The following NOS1 variants were observed in gnomAD, a reference collection of about 807,000 sequenced individuals.
NOS1 encodes NOS type I.
In NOS1, 51 loss-of-function variants were observed where a neutral mutation model predicts 164.5. That is an observed-to-expected ratio of 0.31 (90% CI 0.25 to 0.39). The LOEUF (loss-of-function observed/expected upper bound fraction) is 0.39, where lower values mean the gene tolerates loss of function less well. Ranked by LOEUF, NOS1 falls within the 10% of genes least tolerant of loss-of-function variation. The pLI is 1.00. For missense variants in NOS1, 1,362 were observed against 1,885.6 expected, an observed-to-expected ratio of 0.72 and a Z score of 5.14; for synonymous variants, 719 against 745.8, an observed-to-expected ratio of 0.96 and a Z score of 0.59.
At chr12:117,263,356 G>A (rs1395829666) in intron 13 of NOS1, among the ~76,000 whole-genome samples, 9 of 152,026 alleles carry the variant, frequency 5.9e-5, no homozygotes, top group Non-Finnish European at 1.2e-4. Flanking sequence ...CCTAGGCCAG[G>A]TGTAGTGGCT....
chr12:117,287,992 G>C (rs184817285), intron 5 of NOS1, 82 bp downstream of exon 5: 114 of 1,550,774 alleles, frequency 7.4e-5, no homozygotes, highest in East Asian at 6.8e-4. Context: ...CCTTGGCCTT[G>C]GTTTGCAAAG....
At position 117,262,774 on chromosome 12, in the gene NOS1, T is replaced by G. The variant is rs201296864; in HGVS notation, c.2222+1115A>C. On this transcript the variant is annotated intron_variant, in intron 13 of 28. Transcript: ENST00000317775. ...TGGATCAGTGGGGTTCTCTTTTTTT[T>G]GGGGCAGAAGGCTGGCATCCCCGTT... Among the ~76,000 whole-genome samples, 6 of 141,024 alleles carry G rather than the reference T, an allele frequency of 4.3e-5. No individual in the cohort carries two copies. In the South Asian group the frequency reaches 7.0e-4, roughly 17 times the overall value. 92.5% of individuals were successfully genotyped at this position (141,024 alleles called of 152,430 possible).
intron 13 of NOS1, among the ~76,000 whole-genome samples, chr12:117,263,446 A>G (rs1443772000): frequency 5.3e-5 from 8 of 152,156 alleles, no homozygotes; most frequent in African/African-American, 1.9e-4. Flanking sequence ...AGCCTGTGCA[A>G]CAAAGTGAGA....
In NOS1 at chr12:117,234,362, T is replaced by G. The variant is rs1429069822; in HGVS notation, c.3235+203A>C. Among the ~76,000 whole-genome samples, 1 of 152,196 alleles carries G rather than the reference T, an allele frequency of 6.6e-6. No homozygotes were observed. Among genetic ancestry groups the G allele is most frequent in the African/African-American group, 2.4e-5 (1 of 41,462 alleles). On this transcript the variant is annotated intron_variant, in intron 21 of 28. Coordinates refer to ENST00000317775, the MANE Select transcript of NOS1 (RefSeq NM_000620.5). The surrounding 1 kb of genome is among the most constrained non-coding windows in gnomAD (Gnocchi z 4.3). Reference sequence around the variant, plus strand: ...TGGTGAGCCATCAATGGCCTGGCACTATGTGCATTTATTTGCTCAGCTGGT... The same window carrying G: ...TGGTGAGCCATCAATGGCCTGGCACGATGTGCATTTATTTGCTCAGCTGGT...
At chr12:117,277,877 A>T in intron 9 of NOS1, 82 bp downstream of exon 9, 1 of 1,479,700 alleles carries the variant, frequency 6.8e-7, no homozygotes, top group South Asian at 1.3e-5. Context: ...CTAGAAAGAA[A>T]GCCAGGGGGG....
chr12:117,344,115 T>G (rs932188103), intron 1 of NOS1, among the ~76,000 whole-genome samples: 2 of 152,232 alleles, frequency 1.3e-5, no homozygotes, highest in Non-Finnish European at 2.9e-5. Context: ...TACCTTAGTA[T>G]GAATGTGTAA....
chr12:117,265,539 G>A (rs933110154), intron 11 of NOS1, 29 bp from the exon 12 acceptor site: 30 of 1,439,650 alleles, frequency 2.1e-5, no homozygotes, highest in Non-Finnish European at 1.8e-5. Context: ...CAGGGGTCAG[G>A]AGGTATGAGA....
chr12:117,303,251 T>C (rs1873942594), intron 3 of NOS1, among the ~76,000 whole-genome samples: 2 of 152,152 alleles, frequency 1.3e-5, no homozygotes, highest in Non-Finnish European at 2.9e-5. Context: ...CCTGGTGACC[T>C]TGGATCCCCT....
chr12:117,297,873 A>C (rs1566064506), intron 3 of NOS1, among the ~76,000 whole-genome samples: 1 of 152,188 alleles, frequency 6.6e-6, no homozygotes, highest in South Asian at 2.1e-4. Flanking sequence ...CCTCACAGTG[A>C]AACCAGGACT....
chr12:117,209,778 GC>G lies in NOS1; in HGVS notation c.*5530del, dbSNP rs1023237616. 2 of 985,352 alleles carry G rather than the reference GC, an allele frequency of 2.0e-6. No homozygotes were observed. Among genetic ancestry groups the G allele is most frequent in the Non-Finnish European group, 2.4e-6 (2 of 829,972 alleles). The allele number at this position is 985,352 out of a possible 1,614,324, so 61.0% of individuals were successfully genotyped here. On this transcript the variant is annotated 3_prime_UTR_variant, in exon 29 of 29. Coordinates refer to ENST00000317775, the MANE Select transcript of NOS1 (RefSeq NM_000620.5). Reference sequence around the variant, plus strand: ...GGGGAAGGGCAGCTTTTCTTTTGGGGCCCCTTTGCCACAAGGCAGGGACTGG... The same window carrying G: ...GGGGAAGGGCAGCTTTTCTTTTGGGGCCCTTTGCCACAAGGCAGGGACTGG...
chr12:117,251,176 C>CAG (rs942848734), intron 17 of NOS1, among the ~76,000 whole-genome samples: 15 of 152,150 alleles, frequency 9.9e-5, no homozygotes, highest in Non-Finnish European at 2.1e-4. Flanking sequence ...GTCTATGAGC[C>CAG]AGAGAGAGGG....
At chr12:117,263,132 A>G (rs1872078520) in intron 13 of NOS1, among the ~76,000 whole-genome samples, 1 of 151,434 alleles carries the variant, frequency 6.6e-6, no homozygotes, top group African/African-American at 2.4e-5. Flanking sequence ...CTAGCTTGCC[A>G]TGATCCCCCT....
intron 1 of NOS1, among the ~76,000 whole-genome samples, chr12:117,349,640 T>C (rs1282181027): frequency 1.6e-4 from 24 of 152,182 alleles, no homozygotes; most frequent in Admixed American, 9.8e-4. Flanking sequence ...GTATCCACCA[T>C]ATTTTGGAAA....
At chr12:117,286,295 A>G (rs368777736) in intron 5 of NOS1, 29 bp from the exon 6 acceptor site, 38 of 1,611,672 alleles carry the variant, frequency 2.4e-5, no homozygotes, top group East Asian at 1.1e-4. Context: ...ACATGGGAAC[A>G]TCACCCCCTC....
intron 1 of NOS1, among the ~76,000 whole-genome samples, chr12:117,351,133 A>G: frequency 6.6e-6 from 1 of 152,278 alleles, no homozygotes; most frequent in Non-Finnish European, 1.5e-5. Flanking sequence ...AGAAGAAAAA[A>G]AAAAGTCTCT....
In NOS1 at chr12:117,330,107, A is replaced by T. The variant is rs1469829794; in HGVS notation, c.725+238T>A. ...ACACTGTCTGCTACCATGATGATTAATTCGCTCTGGGTTTTGTGACAAGAG... is the reference window on the plus strand; with the variant it reads ...ACACTGTCTGCTACCATGATGATTATTTCGCTCTGGGTTTTGTGACAAGAG... On this transcript the variant is annotated intron_variant, in intron 2 of 28. Transcript: ENST00000317775. This position sits in a 1 kb window ranked among gnomAD's most constrained non-coding sequence, Gnocchi z 4.6. Among the ~76,000 whole-genome samples the T allele has an allele frequency of 1.3e-5, 2 of 152,204 alleles. No individual in the cohort carries two copies. The highest frequency in any genetic ancestry group is 4.8e-5 in the African/African-American group (2 of 41,434).
intron 7 of NOS1, among the ~76,000 whole-genome samples, chr12:117,282,885 T>C (rs994522653): frequency 2.6e-5 from 4 of 151,992 alleles, no homozygotes; most frequent in South Asian, 2.1e-4. Flanking sequence ...ATGCCTACTC[T>C]ATGTGCAGAA....
intron 3 of NOS1, among the ~76,000 whole-genome samples, chr12:117,309,076 T>C (rs965194642): frequency 6.6e-6 from 1 of 152,202 alleles, no homozygotes; most frequent in Non-Finnish European, 1.5e-5. Flanking sequence ...TTCTTTCTCT[T>C]GTGAGGGCTC....
intron 3 of NOS1, among the ~76,000 whole-genome samples, chr12:117,301,803 T>C (rs1043612702): frequency 2.0e-5 from 3 of 152,226 alleles, no homozygotes; most frequent in African/African-American, 7.2e-5. Context: ...GGGTGGTCAC[T>C]TTGGGCTTTG....
Sources: gnomAD v4.1 joint callset for allele counts (sites outside exome capture counted in the v4.1 genomes callset) on GRCh38, gnomAD v4.1.1 for gene constraint, Gnocchi (gnomAD v3.1) non-coding constraint, MANE v1.5 for transcripts, NCBI Gene and HGNC (gene_info 2026-07-23, HGNC 2026-07-21) for gene names.